The following CASD1 variants were observed in gnomAD, a reference collection of about 807,000 sequenced individuals.
CASD1 encodes CAS1 domain sialic acid O acetyltransferase 1.
In CASD1, 41 loss-of-function variants were observed where a neutral mutation model predicts 100.0. The observed-to-expected ratio is 0.41, with a 90% CI of 0.32 to 0.53. CASD1 has a LOEUF of 0.53. Among genes scored for constraint, CASD1 ranks in the 20% least tolerant of loss-of-function variants. The probability of loss-of-function intolerance (pLI) is 0.25; values close to 1 mark genes in which losing one functional copy is unlikely to be tolerated. For synonymous variants in CASD1, 321 were observed against 315.6 expected (o/e 1.02, Z -0.18); for missense variants, 774 against 948.7 (o/e 0.82, Z 2.42).
chr7:94,614,777 T>C, the CASD1 span, among the ~76,000 whole-genome samples: 2 of 152,272 alleles, frequency 1.3e-5, no homozygotes, highest in African/African-American at 4.8e-5. Context: ...CCTAGTAGAC[T>C]GCAAGCCTAG....
the CASD1 span, among the ~76,000 whole-genome samples, chr7:94,567,569 T>C: frequency 1.3e-5 from 2 of 152,156 alleles, no homozygotes; most frequent in East Asian, 3.9e-4. Flanking sequence ...CCAGAGAGTT[T>C]GTAAGCCCCT....
At chr7:94,585,562 G>A in the CASD1 span, 16 of 1,310,812 alleles carry the variant, frequency 1.2e-5, no homozygotes, top group Non-Finnish European at 1.7e-5. Flanking sequence ...TCAGGGCATG[G>A]ATACTTTTAG....
At chr7:94,569,626 A>T in the CASD1 span, among the ~76,000 whole-genome samples, 1 of 151,620 alleles carries the variant, frequency 6.6e-6, no homozygotes, top group African/African-American at 2.4e-5. Flanking sequence ...AATTTTTTGT[A>T]TAGATAGGAG....
intron 10 of CASD1, among the ~76,000 whole-genome samples, chr7:94,540,657 C>T (rs17269535): frequency 0.085 from 12,917 of 152,012 alleles, 719 homozygotes; most frequent in Non-Finnish European, 0.11. Flanking sequence ...TGTAAATGAT[C>T]CAAGGCAAGG....
intron 5 of CASD1, 38 bp from the exon 6 acceptor site, chr7:94,533,167 T>C: frequency 2.0e-6 from 3 of 1,504,626 alleles, no homozygotes; most frequent in Non-Finnish European, 2.7e-6. Context: ...TTCCCTGAAC[T>C]GATTATAATA....
chr7:94,556,889 G>A lies in CASD1; in HGVS notation c.*1131G>A, dbSNP rs1189335151. 3 of 151,868 alleles carry A rather than the reference G, an allele frequency of 2.0e-5. No individual in the cohort carries two copies. The highest frequency in any genetic ancestry group is 7.2e-5 in the African/African-American group (3 of 41,394). 9.4% of individuals were successfully genotyped at this position (151,868 alleles called of 1,614,324 possible). Reference sequence around the variant, plus strand: ...CACTTGTTTGCTTTTACTATATGTGGGGTAAAATATATTTTCTGTTCACAG... The same window carrying A: ...CACTTGTTTGCTTTTACTATATGTGAGGTAAAATATATTTTCTGTTCACAG... On this transcript the variant is annotated 3_prime_UTR_variant, in exon 18 of 18. Coordinates refer to ENST00000297273, the MANE Select transcript of CASD1 (RefSeq NM_022900.5).
chr7:94,603,140 G>A, the CASD1 span: 15 of 627,874 alleles, frequency 2.4e-5, no homozygotes, highest in South Asian at 3.8e-5. Flanking sequence ...CACTGTCAAC[G>A]AGCTTACCAG....
At chr7:94,591,358 G>A in the CASD1 span, among the ~76,000 whole-genome samples, 1 of 152,024 alleles carries the variant, frequency 6.6e-6, no homozygotes, top group South Asian at 2.1e-4. Flanking sequence ...CACTCAAAAC[G>A]AACACAGTGC....
Position 94,535,375 on chromosome 7 carries a change from A to T in CASD1, c.695A>T (p.Tyr232Phe). The change falls in exon 8 of 18, where the codon TAC becomes TTC. Residue 232 changes from tyrosine (Y) to phenylalanine (F), a missense_variant. Tyr to Phe is a conservative substitution (Grantham distance 22). Coordinates refer to ENST00000297273, the MANE Select transcript of CASD1 (RefSeq NM_022900.5). Reference protein sequence around the residue: ...KMITNEKIDAYNEAAVSILNS... With the variant: ...KMITNEKIDAFNEAAVSILNS... ...ATCACTAATGAGAAGATAGATGCTTACAATGAAGCTGCAGTCAGTATTTTG... is the reference window on the plus strand; with the variant it reads ...ATCACTAATGAGAAGATAGATGCTTTCAATGAAGCTGCAGTCAGTATTTTG... 6.2e-7 allele frequency: 1 copy of T among 1,613,546 alleles called. No individual in the cohort carries two copies. The highest frequency in any genetic ancestry group is 8.5e-7 in the Non-Finnish European group (1 of 1,179,662).
chr7:94,555,887 T>G lies in CASD1; in HGVS notation c.*129T>G. 1.2e-6 allele frequency: 1 copy of G among 861,108 alleles called. No homozygotes were observed. The highest frequency in any genetic ancestry group is 1.8e-6 in the Non-Finnish European group (1 of 565,156). The allele number at this position is 861,108 out of a possible 1,614,324, so 53.3% of individuals were successfully genotyped here. On this transcript the variant is annotated 3_prime_UTR_variant, in exon 18 of 18. Transcript: ENST00000297273. ...CGTTTGTGGCAAGAGGACAGTTCTG[T>G]GACATCTGTTGAACATATGTGGTTG...
chr7:94,512,349 C>A (rs1793753313), intron 1 of CASD1, among the ~76,000 whole-genome samples: 1 of 152,162 alleles, frequency 6.6e-6, no homozygotes, highest in African/African-American at 2.4e-5. Flanking sequence ...GCAGCCCAGG[C>A]CATGGCTTGG....
rs1295740151 is a variant in CASD1, at chr7:94,533,769, G to A, written c.595G>A (p.Ala199Thr). 1.9e-6 allele frequency: 3 copies of A among 1,599,920 alleles called. No homozygotes were observed. Among genetic ancestry groups the A allele is most frequent in the Non-Finnish European group, 2.6e-6 (3 of 1,173,142 alleles). ...TSIAPLLEKL[A>T]KTSDVYWVLQ... ...CATAGCACCACTTTTAGAAAAATTG[G>A]CAAAGACTAGTGATGTTTATTGGGT... Residue 199 changes from alanine to threonine, a missense_variant, in exon 7 of 18, where the codon GCA (alanine) becomes ACA (threonine). Ala to Thr is a moderately conservative substitution (Grantham distance 58). Around this residue, in one of 5 missense-constraint regions of CASD1, gnomAD observed 453 missense variants for 532.6 expected, o/e 0.85. Transcript: ENST00000297273.
the CASD1 span, among the ~76,000 whole-genome samples, chr7:94,576,496 A>G: frequency 3.9e-5 from 6 of 152,242 alleles, no homozygotes; most frequent in Non-Finnish European, 5.9e-5. Context: ...ACACTGTACC[A>G]GTTTGACTGG....
At chr7:94,619,139 GA>G in the CASD1 span, 1 of 599,928 alleles carries the variant, frequency 1.7e-6, no homozygotes, top group South Asian at 2.0e-5. Flanking sequence ...ACTGACATTA[GA>G]AACAGAACTT....
At chr7:94,559,272 A>ATG (rs764130363), downstream of CASD1, among the ~76,000 whole-genome samples, 1 of 65,526 alleles carries the variant, frequency 1.5e-5, no homozygotes. Flanking sequence ...TTCTGTATAT[A>ATG]TGTCTGTGTG....
chr7:94,549,261 A>G (rs1222045417), intron 13 of CASD1, among the ~76,000 whole-genome samples: 1 of 151,974 alleles, frequency 6.6e-6, no homozygotes, highest in African/African-American at 2.4e-5. Flanking sequence ...TTACACTCTC[A>G]GTAGCCTTTC....
chr7:94,559,581 A>G (rs1472378628), downstream of CASD1, among the ~76,000 whole-genome samples: 1 of 152,118 alleles, frequency 6.6e-6, no homozygotes, highest in Non-Finnish European at 1.5e-5. Context: ...GCTGGAGTGC[A>G]ATGGCGCAAT....
At chr7:94,548,405 A>G (rs1023122051) in intron 13 of CASD1, among the ~76,000 whole-genome samples, 11 of 151,794 alleles carry the variant, frequency 7.2e-5, no homozygotes, top group African/African-American at 2.7e-4. Flanking sequence ...TCTGAGAGGT[A>G]CATACCTAGT....
the CASD1 span, among the ~76,000 whole-genome samples, chr7:94,608,544 A>C: frequency 1.3e-5 from 2 of 152,216 alleles, no homozygotes; most frequent in Admixed American, 1.3e-4. Context: ...ATTCTCAGCA[A>C]GTTAATTTGC....
Sources: allele counts gnomAD v4.1 joint callset (sites outside exome capture counted in the v4.1 genomes callset), GRCh38; gene constraint gnomAD v4.1.1; regional missense constraint gnomAD v4.1.1; transcripts MANE v1.5; gene names NCBI Gene and HGNC (gene_info 2026-07-23, HGNC 2026-07-21).